Variants in IGFBP7 observed in about 807,000 individuals in gnomAD.
IGFBP7 encodes the protein insulin-like growth factor-binding protein 7.
IGFBP7 carries 31 observed loss-of-function variants against 29.4 expected under a neutral mutation model. The observed-to-expected ratio is 1.05, with a 90% CI of 0.79 to 1.42. The LOEUF (loss-of-function observed/expected upper bound fraction) is 1.42, where lower values mean the gene tolerates loss of function less well. IGFBP7 is among the 40% of genes most tolerant of loss of function. IGFBP7 has a pLI of 0.00. For missense variants in IGFBP7, 393 were observed against 395.5 expected, an observed-to-expected ratio of 0.99 and a Z score of 0.05; for synonymous variants, 172 against 174.9, an observed-to-expected ratio of 0.98 and a Z score of 0.13.
rs112491561 is a variant in IGFBP7, at chr4:57,051,104, A to G, written c.476-10171T>C. On this transcript the variant is annotated intron_variant, in intron 1 of 4. Coordinates refer to ENST00000295666, the MANE Select transcript of IGFBP7 (RefSeq NM_001553.3). ...TGAGATGAGATTCTGATAACACATT[A>G]AAGGGAACAGGAGCACACAAAAGTA... 3.5e-3 allele frequency among the ~76,000 whole-genome samples: 535 copies of G among 152,340 alleles called. 6 individuals carry two copies. Among genetic ancestry groups the G allele is most frequent in the African/African-American group, 0.012 (493 of 41,584 alleles).
intron 2 of IGFBP7, among the ~76,000 whole-genome samples, chr4:57,035,081 A>G (rs1347165824): frequency 6.6e-6 from 1 of 152,194 alleles, no homozygotes; most frequent in Non-Finnish European, 1.5e-5. Flanking sequence ...TCAGAATCAT[A>G]TGAGTTTTAT....
At chr4:57,108,722 A>C (rs866612088) in intron 1 of IGFBP7, among the ~76,000 whole-genome samples, 2 of 151,574 alleles carry the variant, frequency 1.3e-5, no homozygotes, top group Non-Finnish European at 1.5e-5. Context: ...ATATATATAT[A>C]TTTTTTATTA....
At chr4:57,045,299 G>C (rs1178132311) in intron 1 of IGFBP7, among the ~76,000 whole-genome samples, 1 of 152,138 alleles carries the variant, frequency 6.6e-6, no homozygotes, top group Non-Finnish European at 1.5e-5. Context: ...GCAGAGGAGG[G>C]GCTGTTAGGA....
chr4:57,103,660 C>CTTTTTTTTTTTTTTTTTT (rs59173874), intron 1 of IGFBP7, among the ~76,000 whole-genome samples: 4 of 86,480 alleles, frequency 4.6e-5, no homozygotes, highest in Admixed American at 1.9e-4. Flanking sequence ...TTTTTCTTTT[C>CTTTTTTTTTTTTTTTTTT]TTTTTTTTTT....
At chr4:57,076,628 T>C (rs1398004419) in intron 1 of IGFBP7, among the ~76,000 whole-genome samples, 7 of 152,188 alleles carry the variant, frequency 4.6e-5, no homozygotes, top group African/African-American at 1.4e-4. Context: ...TTAAAGGATC[T>C]TGTGGGGTCT....
At chr4:57,056,747 C>T (rs1045739069) in intron 1 of IGFBP7, among the ~76,000 whole-genome samples, 1 of 152,208 alleles carries the variant, frequency 6.6e-6, no homozygotes, top group African/African-American at 2.4e-5. Flanking sequence ...TGAAGCAAAG[C>T]TATGCCAATG....
At chr4:57,044,390 T>C (rs1195441652) in intron 1 of IGFBP7, among the ~76,000 whole-genome samples, 2 of 152,226 alleles carry the variant, frequency 1.3e-5, no homozygotes, top group African/African-American at 4.8e-5. Flanking sequence ...TTCTTTTCTG[T>C]GGTTAGTGCT....
intron 1 of IGFBP7, among the ~76,000 whole-genome samples, chr4:57,107,005 C>T (rs951412765): frequency 6.6e-6 from 1 of 152,098 alleles, no homozygotes; most frequent in African/African-American, 2.4e-5. Context: ...GATCGCTTTG[C>T]CTCCTACCAG....
At chr4:57,053,543 G>A (rs1421422886) in intron 1 of IGFBP7, among the ~76,000 whole-genome samples, 2 of 152,084 alleles carry the variant, frequency 1.3e-5, no homozygotes, top group Non-Finnish European at 2.9e-5. Context: ...GCTCGCTCTG[G>A]TAACCATGTG....
At chr4:57,040,535 C>CACACATACACACACCACAGGT (rs1198902399) in intron 2 of IGFBP7, among the ~76,000 whole-genome samples, 2 of 152,214 alleles carry the variant, frequency 1.3e-5, no homozygotes, top group Non-Finnish European at 2.9e-5. Flanking sequence ...CACATATGCA[C>CACACATACACACACCACAGGT]ACACATACAC....
At chr4:57,086,891 G>A (rs953662237) in intron 1 of IGFBP7, among the ~76,000 whole-genome samples, 3 of 152,018 alleles carry the variant, frequency 2.0e-5, no homozygotes, top group Admixed American at 2.0e-4. Context: ...ATACCACCAC[G>A]CTCAGCTAAT....
In IGFBP7 at chr4:57,031,106, A is replaced by G; in HGVS notation, c.*211T>C. The G allele has an allele frequency of 1.4e-6, 1 of 736,086 alleles. No individual in the cohort carries two copies. Among genetic ancestry groups the G allele is most frequent in the Non-Finnish European group, 2.4e-6 (1 of 425,308 alleles). 45.6% of individuals were successfully genotyped at this position (736,086 alleles called of 1,614,324 possible). On this transcript the variant is annotated 3_prime_UTR_variant, in exon 5 of 5. Transcript: ENST00000295666. ...TGATAAAAAGTATTTTATTTGTTTA[A>G]TGATATGCATGCTTTTCTTCTGTAA... is the stretch of plus-strand genomic sequence containing the variant.
chr4:57,084,098 C>T (rs1725438822), intron 1 of IGFBP7, among the ~76,000 whole-genome samples: 1 of 152,134 alleles, frequency 6.6e-6, no homozygotes, highest in African/African-American at 2.4e-5. Context: ...GTTAAAATAT[C>T]TAAAGTTAAC....
chr4:57,089,039 T>TAAAAAA (rs397734783), intron 1 of IGFBP7, among the ~76,000 whole-genome samples: 1 of 133,068 alleles, frequency 7.5e-6, no homozygotes, highest in Non-Finnish European at 1.6e-5. Context: ...CTCAAAAAAA[T>TAAAAAA]AAAAAAAAAA....
intron 1 of IGFBP7, among the ~76,000 whole-genome samples, chr4:57,050,747 A>G (rs1453040497): frequency 6.8e-6 from 1 of 147,792 alleles, no homozygotes; most frequent in Non-Finnish European, 1.5e-5. Flanking sequence ...TTGTAGAGAC[A>G]GGGTCTTGCT....
At chr4:57,086,683 C>T (rs1725505064) in intron 1 of IGFBP7, among the ~76,000 whole-genome samples, 1 of 152,042 alleles carries the variant, frequency 6.6e-6, no homozygotes, top group East Asian at 1.9e-4. Context: ...TTTTTGTTTT[C>T]TAATTTTAAA....
At chr4:57,037,316 C>T (rs35460070) in intron 2 of IGFBP7, among the ~76,000 whole-genome samples, 27,634 of 151,760 alleles carry the variant, frequency 0.18, 2,927 homozygotes, top group Middle Eastern at 0.32. Flanking sequence ...AATTGTTTCT[C>T]TCCTACTTCC....
At chr4:57,060,131 C>G (rs755331204) in intron 1 of IGFBP7, among the ~76,000 whole-genome samples, 1 of 152,064 alleles carries the variant, frequency 6.6e-6, no homozygotes, top group Admixed American at 6.6e-5. Flanking sequence ...ATAAAACAGG[C>G]GAAGTGCAAC....
chr4:57,052,688 A>T (rs1724534281), intron 1 of IGFBP7, among the ~76,000 whole-genome samples: 1 of 152,120 alleles, frequency 6.6e-6, no homozygotes, highest in South Asian at 2.1e-4. Context: ...CTAAGAGCAG[A>T]CCATTCAATA....
Sources: allele counts gnomAD v4.1 joint callset (sites outside exome capture counted in the v4.1 genomes callset), GRCh38; gene constraint gnomAD v4.1.1; transcripts MANE v1.5; gene names NCBI Gene and HGNC (gene_info 2026-07-23, HGNC 2026-07-21).